ZMIZ1: variants seen among roughly 807,000 people sequenced by gnomAD.
ZMIZ1 encodes zinc finger MIZ domain-containing protein 1.
A neutral mutation model predicts 113.9 loss-of-function variants in ZMIZ1; 17 were observed. The observed-to-expected ratio is 0.15, with a 90% CI of 0.10 to 0.22. ZMIZ1 has a LOEUF of 0.22. Among genes scored for constraint, ZMIZ1 ranks in the 10% least tolerant of loss-of-function variants. ZMIZ1 has a pLI of 1.00. For missense variants in ZMIZ1, 1,059 were observed against 1,477.8 expected (o/e 0.72, Z 4.65); for synonymous variants, 607 against 603.1 (o/e 1.01, Z -0.09).
At chr10:79,297,142 A>C (rs1456560370) in intron 13 of ZMIZ1, among the ~76,000 whole-genome samples, 1 of 152,150 alleles carries the variant, frequency 6.6e-6, no homozygotes, top group Non-Finnish European at 1.5e-5. Flanking sequence ...TTCTGCTGAG[A>C]TCACCATATC....
At chr10:79,070,068 GT>G (rs1317148866) in intron 1 of ZMIZ1, among the ~76,000 whole-genome samples, 1 of 151,136 alleles carries the variant, frequency 6.6e-6, no homozygotes, top group Non-Finnish European at 1.5e-5. Flanking sequence ...CTTCCTCTCC[GT>G]CTCCGGCGGC....
intron 23 of ZMIZ1, among the ~76,000 whole-genome samples, chr10:79,308,002 C>G (rs747921282): frequency 2.2e-4 from 33 of 152,346 alleles, no homozygotes; most frequent in Middle Eastern, 3.4e-3. Context: ...ATTACCACCT[C>G]CAACAAAAGA....
chr10:79,195,056 A>T (rs1847779340), intron 4 of ZMIZ1, among the ~76,000 whole-genome samples: 1 of 152,190 alleles, frequency 6.6e-6, no homozygotes, highest in Non-Finnish European at 1.5e-5. Context: ...CCCTGGAAGA[A>T]CAGCTCCCGG....
rs540089184 is a variant in ZMIZ1, at chr10:79,230,058, C to G, written c.280+13784C>G. ...CCAGGATCAGAACTGACTCGTTGCACCCTGTGTGGGGACGCTGCCCTCCTC... is the reference window on the plus strand; with the variant it reads ...CCAGGATCAGAACTGACTCGTTGCAGCCTGTGTGGGGACGCTGCCCTCCTC... On this transcript the variant is annotated intron_variant, in intron 7 of 24. Transcript: ENST00000334512. 3.9e-5 allele frequency among the ~76,000 whole-genome samples: 6 copies of G among 152,274 alleles called. No individual in the cohort carries two copies. The South Asian group carries it at 8.3e-4, about 21-fold the overall frequency.
intron 1 of ZMIZ1, among the ~76,000 whole-genome samples, chr10:79,088,013 G>A (rs1007959344): frequency 2.6e-5 from 4 of 152,218 alleles, no homozygotes; most frequent in Non-Finnish European, 4.4e-5. Flanking sequence ...ATTCCAGTGC[G>A]CTCCCTGCAA....
chr10:79,302,515 A>G (rs1005443895), intron 18 of ZMIZ1, among the ~76,000 whole-genome samples: 7 of 151,860 alleles, frequency 4.6e-5, no homozygotes, highest in Non-Finnish European at 8.8e-5. Flanking sequence ...AGCACAGGAC[A>G]TGAGGCAGAT....
chr10:79,290,221 A>G (rs1264811079), intron 9 of ZMIZ1, among the ~76,000 whole-genome samples: 2 of 152,212 alleles, frequency 1.3e-5, no homozygotes, highest in Non-Finnish European at 2.9e-5. Flanking sequence ...CCAAGGTCTG[A>G]GGTCTCTGAC....
intron 23 of ZMIZ1, among the ~76,000 whole-genome samples, chr10:79,308,208 T>G (rs149495654): frequency 6.6e-6 from 1 of 152,084 alleles, no homozygotes; most frequent in African/African-American, 2.4e-5. Context: ...ATCCAGTGAG[T>G]GCCACGTGGT....
chr10:79,104,725 G>T (rs1843490786), intron 1 of ZMIZ1, among the ~76,000 whole-genome samples: 1 of 152,206 alleles, frequency 6.6e-6, no homozygotes, highest in South Asian at 2.1e-4. Context: ...AACTCTGGAG[G>T]CCGTGAACCT....
At chr10:79,147,247 G>T (rs1242469237) in intron 3 of ZMIZ1, among the ~76,000 whole-genome samples, 2 of 152,156 alleles carry the variant, frequency 1.3e-5, no homozygotes, top group Non-Finnish European at 2.9e-5. Flanking sequence ...CTCCCTGGAC[G>T]ACTGACCTCC....
intron 7 of ZMIZ1, among the ~76,000 whole-genome samples, chr10:79,264,784 G>C (rs1394910125): frequency 2.6e-5 from 4 of 152,226 alleles, no homozygotes; most frequent in African/African-American, 9.6e-5. Flanking sequence ...TCAGCTAAAA[G>C]TGCATGGTAG....
chr10:79,298,657 G>C, intron 15 of ZMIZ1, 77 bp downstream of exon 15: 1 of 1,352,272 alleles, frequency 7.4e-7, no homozygotes, highest in East Asian at 2.6e-5. Flanking sequence ...TTCGCAGTCA[G>C]GCTGCCTGGG....
chr10:79,255,248 G>A (rs1850811893), intron 7 of ZMIZ1, among the ~76,000 whole-genome samples: 1 of 152,224 alleles, frequency 6.6e-6, no homozygotes, highest in South Asian at 2.1e-4. Context: ...CAGGCGGCAG[G>A]TAGGTGGCCT....
chr10:79,127,348 A>G (rs1844563039), intron 2 of ZMIZ1, among the ~76,000 whole-genome samples: 1 of 152,124 alleles, frequency 6.6e-6, no homozygotes, highest in African/African-American at 2.4e-5. Context: ...AGCGCCAGCC[A>G]TGGGCTCCTT....
intron 5 of ZMIZ1, 34 bp downstream of exon 5, chr10:79,201,726 G>C (rs760338204): frequency 6.2e-7 from 1 of 1,607,696 alleles, no homozygotes; most frequent in Non-Finnish European, 8.5e-7. Flanking sequence ...CCGAGGGCGG[G>C]GCAGATGGGG....
At chr10:79,306,381 G>A in intron 22 of ZMIZ1, 37 bp downstream of exon 22, 4 of 1,598,668 alleles carry the variant, frequency 2.5e-6, no homozygotes, top group Non-Finnish European at 3.4e-6. Flanking sequence ...GGAGAAGGAG[G>A]GCAGCCCCAA....
intron 6 of ZMIZ1, among the ~76,000 whole-genome samples, chr10:79,211,095 G>A (rs1848512959): frequency 6.6e-6 from 1 of 152,206 alleles, no homozygotes; most frequent in Non-Finnish European, 1.5e-5. Context: ...CCAGCAGCTT[G>A]AAGGGGCTTG....
chr10:79,297,756 G>T, intron 14 of ZMIZ1, 66 bp downstream of exon 14: 1 of 1,429,880 alleles, frequency 7.0e-7, no homozygotes, highest in Non-Finnish European at 9.8e-7. Context: ...GGTTCTCACT[G>T]TTCCTGCTCC....
rs182809696 is a variant in ZMIZ1, at chr10:79,186,280, C to T, written c.-49-15304C>T. The stretch of plus-strand genomic sequence containing the variant: ...GATCTAAGCAGTTAATTTTTTACCT[C>T]GAAGTGACTCTCTGTTCCGTAAGTA... On this transcript the variant is annotated intron_variant, in intron 4 of 24. Transcript: ENST00000334512. Among the ~76,000 whole-genome samples the T allele has an allele frequency of 7.9e-5, 12 of 152,328 alleles. No homozygotes were observed. In the East Asian group the frequency reaches 1.2e-3, roughly 15 times the overall value.
Sources: allele counts gnomAD v4.1 joint callset (sites outside exome capture counted in the v4.1 genomes callset), GRCh38; gene constraint gnomAD v4.1.1; transcripts MANE v1.5; gene names NCBI Gene and HGNC (gene_info 2026-07-23, HGNC 2026-07-21).